Variants in NFIA observed in about 807,000 individuals in gnomAD.
The protein encoded by NFIA is nuclear factor 1 A-type.
In NFIA, 8 loss-of-function variants were observed where a neutral mutation model predicts 62.8. That is an observed-to-expected ratio of 0.13 (90% confidence interval 0.07 to 0.23). NFIA has a LOEUF of 0.23. NFIA is among the 10% of genes least tolerant of loss of function. The pLI is 1.00. For missense variants in NFIA, 410 were observed against 642.1 expected, an observed-to-expected ratio of 0.64 and a Z score of 3.91; for synonymous variants, 235 against 238.1, an observed-to-expected ratio of 0.99 and a Z score of 0.12.
At chr1:61,129,055 T>C (rs1647028586) in intron 2 of NFIA, among the ~76,000 whole-genome samples, 1 of 149,792 alleles carries the variant, frequency 6.7e-6, no homozygotes, top group Non-Finnish European at 1.5e-5. Context: ...CCTGAGTAGC[T>C]GGGACTACAG....
chr1:61,254,604 A>G (rs1310732485), intron 2 of NFIA, among the ~76,000 whole-genome samples: 1 of 152,222 alleles, frequency 6.6e-6, no homozygotes, highest in East Asian at 1.9e-4. Flanking sequence ...ACAAATGTAA[A>G]ATGCTACACA....
At chr1:61,313,660 G>A (rs546588840) in intron 3 of NFIA, among the ~76,000 whole-genome samples, 1 of 152,084 alleles carries the variant, frequency 6.6e-6, no homozygotes, top group Non-Finnish European at 1.5e-5. Context: ...TGGAGTTTTG[G>A]TTTGGGTAAA....
At chr1:61,295,495 T>G (rs1247317683) in intron 3 of NFIA, among the ~76,000 whole-genome samples, 2 of 152,192 alleles carry the variant, frequency 1.3e-5, no homozygotes, top group African/African-American at 4.8e-5. Flanking sequence ...GATAATTCTT[T>G]CGGGCAGAAC....
At chr1:61,234,752 G>A (rs994868059) in intron 2 of NFIA, among the ~76,000 whole-genome samples, 13 of 152,166 alleles carry the variant, frequency 8.5e-5, no homozygotes, top group Non-Finnish European at 1.9e-4. Flanking sequence ...TGGTCTGAGA[G>A]CGGATGACTT....
rs74086794 is a variant in NFIA, at chr1:61,350,281, A to G, written c.701-2169A>G. 9.6e-3 allele frequency among the ~76,000 whole-genome samples: 1,464 copies of G among 152,270 alleles called. 31 individuals carry two copies. Among genetic ancestry groups the G allele is most frequent in the African/African-American group, 0.034 (1,393 of 41,542 alleles). On this transcript the variant is annotated intron_variant, in intron 4 of 10. Transcript: ENST00000403491. ...ATAGTGGGGTGAGGTAGATGCTTTA[A>G]TAGCTTATAAACTTGGGAATCTGCT...
At chr1:61,215,740 A>G (rs2100609556) in intron 2 of NFIA, among the ~76,000 whole-genome samples, 1 of 152,348 alleles carries the variant, frequency 6.6e-6, no homozygotes, top group South Asian at 2.1e-4. Flanking sequence ...TCAGCTAACT[A>G]CAAAGGAATT....
At chr1:61,350,502 G>A (rs916470617) in intron 4 of NFIA, among the ~76,000 whole-genome samples, 3 of 152,118 alleles carry the variant, frequency 2.0e-5, no homozygotes, top group Admixed American at 6.5e-5. Flanking sequence ...CGGGTGTGGC[G>A]TAGCATACCT....
At chr1:61,280,402 T>C (rs2100283011) in intron 3 of NFIA, among the ~76,000 whole-genome samples, 1 of 152,344 alleles carries the variant, frequency 6.6e-6, no homozygotes, top group Admixed American at 6.5e-5. Flanking sequence ...ACAGACTTGA[T>C]TCTTCAAATA....
At chr1:61,354,445 C>T (rs1662720927) in intron 5 of NFIA, among the ~76,000 whole-genome samples, 1 of 152,150 alleles carries the variant, frequency 6.6e-6, no homozygotes, top group Non-Finnish European at 1.5e-5. Flanking sequence ...GGGTCATTTT[C>T]TCTGTGGCAG....
intron 6 of NFIA, among the ~76,000 whole-genome samples, chr1:61,381,964 A>C (rs138834889): frequency 9.9e-4 from 151 of 152,356 alleles, no homozygotes; most frequent in African/African-American, 3.5e-3. Flanking sequence ...TAACAGTTAC[A>C]TGTTAATATC....
chr1:61,306,130 G>T lies in NFIA; in HGVS notation c.626-26382G>T, dbSNP rs191675516. 3.5e-3 allele frequency among the ~76,000 whole-genome samples: 530 copies of T among 151,660 alleles called. 5 individuals carry two copies. The highest frequency in any genetic ancestry group is 0.021 in the South Asian group (102 of 4,806). ...CTCCCAAAGTGCTGGGATTACAGGC[G>T]TGAGCCACCGCACCCAGCCTTCTTT... On this transcript the variant is annotated intron_variant, in intron 3 of 10. Coordinates refer to ENST00000403491, the MANE Select transcript of NFIA (RefSeq NM_001134673.4).
chr1:61,317,129 A>G (rs555962913), intron 3 of NFIA, among the ~76,000 whole-genome samples: 1 of 152,284 alleles, frequency 6.6e-6, no homozygotes, highest in East Asian at 1.9e-4. Context: ...TGGCATATTT[A>G]GTTATCAACA....
At chr1:61,448,635 A>G (rs1159704674) in intron 10 of NFIA, among the ~76,000 whole-genome samples, 1 of 152,232 alleles carries the variant, frequency 6.6e-6, no homozygotes, top group African/African-American at 2.4e-5. Context: ...TTATCTAACT[A>G]GTTCATAATG....
chr1:61,138,779 ACCATGTTGG>A (rs1341162602), intron 2 of NFIA, among the ~76,000 whole-genome samples: 1 of 151,564 alleles, frequency 6.6e-6, no homozygotes, highest in African/African-American at 2.4e-5. Context: ...ACATGGTTTC[ACCATGTTGG>A]CCATGCTGGT....
At chr1:61,384,742 A>G (rs1664591918) in intron 7 of NFIA, among the ~76,000 whole-genome samples, 1 of 152,178 alleles carries the variant, frequency 6.6e-6, no homozygotes. Context: ...GTTTGGGGTC[A>G]AGTTAACATA....
At chr1:61,358,379 CTTTTT>C (rs34853369) in intron 5 of NFIA, among the ~76,000 whole-genome samples, 17 of 52,618 alleles carry the variant, frequency 3.2e-4, no homozygotes, top group African/African-American at 1.2e-3. Flanking sequence ...TTCTTTCTTT[CTTTTT>C]TTTTTTTTTT....
chr1:61,437,022 T>C (rs768809204), intron 10 of NFIA, among the ~76,000 whole-genome samples: 5 of 152,064 alleles, frequency 3.3e-5, no homozygotes, highest in Non-Finnish European at 5.9e-5. Context: ...TTCCTCAGAG[T>C]CTGAATGTGT....
At chr1:61,103,416 C>T (rs568765859) in intron 2 of NFIA, among the ~76,000 whole-genome samples, 58 of 152,314 alleles carry the variant, frequency 3.8e-4, no homozygotes, top group African/African-American at 1.2e-3. Flanking sequence ...AGGACTGCTT[C>T]CCTGCCTGCC....
At chr1:61,164,009 A>T (rs1476232240) in intron 2 of NFIA, among the ~76,000 whole-genome samples, 1 of 152,214 alleles carries the variant, frequency 6.6e-6, no homozygotes, top group Non-Finnish European at 1.5e-5. Context: ...GAATCATAGG[A>T]TGCTTTAAAT....
Sources: allele counts gnomAD v4.1 joint callset (sites outside exome capture counted in the v4.1 genomes callset), GRCh38; gene constraint gnomAD v4.1.1; transcripts MANE v1.5; gene names NCBI Gene and HGNC (gene_info 2026-07-23, HGNC 2026-07-21).